Variants in RBFOX1 observed in about 807,000 individuals in gnomAD.
The protein encoded by RBFOX1 is RNA binding protein fox-1 homolog 1.
In RBFOX1, 8 loss-of-function variants were observed where a neutral mutation model predicts 57.7. That is an observed-to-expected ratio of 0.14 (90% CI 0.08 to 0.25). The LOEUF (loss-of-function observed/expected upper bound fraction) is 0.25. Among genes scored for constraint, RBFOX1 ranks in the 10% least tolerant of loss-of-function variants. RBFOX1 has a pLI of 1.00. For synonymous variants in RBFOX1, 326 were observed against 222.4 expected (o/e 1.47, Z -4.15); for missense variants, 611 against 548.5 (o/e 1.11, Z -1.14).
At chr16:6,550,237 G>C (rs1221574928) in intron 2 of RBFOX1, among the ~76,000 whole-genome samples, 1 of 152,082 alleles carries the variant, frequency 6.6e-6, no homozygotes, top group Non-Finnish European at 1.5e-5. Context: ...GAGTGTAGTG[G>C]CGTGATCTCA....
chr16:5,433,821 C>G (rs780386041), intron 1 of RBFOX1, among the ~76,000 whole-genome samples: 3 of 152,144 alleles, frequency 2.0e-5, no homozygotes, highest in Non-Finnish European at 4.4e-5. Context: ...ATGGTGCATA[C>G]CAGCACAGTA....
At chr16:6,982,556 C>T (rs547185861) in intron 3 of RBFOX1, among the ~76,000 whole-genome samples, 5 of 152,264 alleles carry the variant, frequency 3.3e-5, no homozygotes, top group East Asian at 1.9e-4. Flanking sequence ...ATGGAATCTC[C>T]CTGTTAGTAG....
chr16:5,441,017 A>G (rs75604657), intron 1 of RBFOX1, among the ~76,000 whole-genome samples: 368 of 152,278 alleles, frequency 2.4e-3, no homozygotes, highest in African/African-American at 8.7e-3. Flanking sequence ...GTAGCTTTTC[A>G]AGAACAAATT....
At chr16:5,961,435 A>G (rs990226690) in intron 4 of RBFOX1, among the ~76,000 whole-genome samples, 3 of 151,996 alleles carry the variant, frequency 2.0e-5, no homozygotes, top group African/African-American at 7.2e-5. Context: ...ACTTCACACT[A>G]TATTTGTTTG....
chr16:7,496,280 T>C (rs759110171), intron 4 of RBFOX1, among the ~76,000 whole-genome samples: 11 of 152,196 alleles, frequency 7.2e-5, no homozygotes, highest in Non-Finnish European at 1.3e-4. Context: ...GTAGCTGGAA[T>C]TACAGGCATG....
chr16:6,608,733 C>G (rs933673817), intron 2 of RBFOX1, among the ~76,000 whole-genome samples: 23 of 152,202 alleles, frequency 1.5e-4, no homozygotes, highest in African/African-American at 5.5e-4. Flanking sequence ...GATTGTACCA[C>G]TGCATTCTAA....
intron 11 of RBFOX1, among the ~76,000 whole-genome samples, chr16:7,641,137 C>G (rs182417684): frequency 6.6e-6 from 1 of 152,284 alleles, no homozygotes; most frequent in Admixed American, 6.5e-5. Flanking sequence ...CAAGGGCACT[C>G]ATAATTCAAG....
At chr16:7,575,220 T>C (rs2093211853) in intron 5 of RBFOX1, among the ~76,000 whole-genome samples, 1 of 151,988 alleles carries the variant, frequency 6.6e-6, no homozygotes, top group East Asian at 1.9e-4. Flanking sequence ...TTGTAACCTC[T>C]GCCTCCTGGA....
Position 5,974,162 on chromosome 16 carries a change from C to T in RBFOX1, c.351+106827C>T, listed in dbSNP as rs115565575. Among the ~76,000 whole-genome samples the T allele has an allele frequency of 4.2e-3, 643 of 152,288 alleles. 4 individuals carry two copies. The highest frequency in any genetic ancestry group is 0.014 in the African/African-American group (602 of 41,558). ...TCTCTATATGGCCGTTGTTCTACCT[C>T]GGATGCACAGCAGGCAATGCCAGAT... On this transcript the variant is annotated intron_variant, in intron 4 of 19. Transcript: ENST00000641259.
chr16:7,526,453 T>A (rs1269857154), intron 5 of RBFOX1, among the ~76,000 whole-genome samples: 2 of 152,220 alleles, frequency 1.3e-5, no homozygotes, highest in African/African-American at 2.4e-5. Context: ...TGAACCTCTC[T>A]GCTCTTATTT....
chr16:5,979,867 A>G (rs915625589), intron 4 of RBFOX1, among the ~76,000 whole-genome samples: 8 of 152,210 alleles, frequency 5.3e-5, no homozygotes, highest in African/African-American at 1.9e-4. Context: ...ACTCAAAGAA[A>G]GAAAGAAATT....
At chr16:6,848,941 T>G (rs529988710) in intron 3 of RBFOX1, among the ~76,000 whole-genome samples, 1 of 152,172 alleles carries the variant, frequency 6.6e-6, no homozygotes, top group African/African-American at 2.4e-5. Context: ...TCACCCTGGG[T>G]AATTCTACCT....
At chr16:6,789,397 T>C (rs2082522085) in intron 3 of RBFOX1, among the ~76,000 whole-genome samples, 4 of 152,154 alleles carry the variant, frequency 2.6e-5, no homozygotes, top group Admixed American at 2.6e-4. Context: ...GGTGTTAATA[T>C]CAATTTTATA....
intron 14 of RBFOX1, among the ~76,000 whole-genome samples, chr16:7,705,233 A>C (rs1406061108): frequency 6.7e-6 from 1 of 150,284 alleles, no homozygotes; most frequent in Non-Finnish European, 1.5e-5. Context: ...TGGGCCGGGC[A>C]TGGTGGCTCA....
At chr16:6,428,827 G>C (rs191830257) in intron 2 of RBFOX1, among the ~76,000 whole-genome samples, 3 of 152,188 alleles carry the variant, frequency 2.0e-5, no homozygotes, top group African/African-American at 4.8e-5. Context: ...GCAATGGGAA[G>C]TCTAAATTAA....
intron 4 of RBFOX1, among the ~76,000 whole-genome samples, chr16:7,143,590 C>T (rs112843804): frequency 6.6e-6 from 1 of 152,078 alleles, no homozygotes; most frequent in African/African-American, 2.4e-5. Context: ...CCCAGACCTC[C>T]TTCTCACTCA....
intron 3 of RBFOX1, among the ~76,000 whole-genome samples, chr16:6,739,024 C>T (rs2071276268): frequency 6.6e-6 from 1 of 152,034 alleles, no homozygotes. Flanking sequence ...TAAATGCTTT[C>T]AATTTAAAAA....
intron 2 of RBFOX1, among the ~76,000 whole-genome samples, chr16:6,636,827 GT>G (rs2098439181): frequency 3.0e-5 from 1 of 32,928 alleles, no homozygotes; most frequent in African/African-American, 7.0e-5. Flanking sequence ...TATAATATAT[GT>G]TATATATAAT....
At chr16:6,771,991 C>A (rs2078374577) in intron 3 of RBFOX1, among the ~76,000 whole-genome samples, 1 of 152,170 alleles carries the variant, frequency 6.6e-6, no homozygotes, top group African/African-American at 2.4e-5. Flanking sequence ...AACGGAAAGA[C>A]TCCCTTCGGC....
Sources: gnomAD v4.1 joint callset for allele counts (sites outside exome capture counted in the v4.1 genomes callset) on GRCh38, gnomAD v4.1.1 for gene constraint, MANE v1.5 for transcripts, NCBI Gene and HGNC (gene_info 2026-07-23, HGNC 2026-07-21) for gene names.